The following AKT3 variants were observed in gnomAD, a reference collection of about 807,000 sequenced individuals.
The protein encoded by AKT3 is RAC-gamma serine/threonine-protein kinase.
AKT3 carries 15 observed loss-of-function variants against 65.3 expected under a neutral mutation model. The ratio of observed to expected loss-of-function variants is 0.23; its 90% CI spans 0.15 to 0.35. AKT3 has a LOEUF of 0.35. Ranked by LOEUF, AKT3 falls within the 10% of genes least tolerant of loss-of-function variation. The probability of loss-of-function intolerance (pLI) is 1.00; values close to 1 mark genes in which losing one functional copy is unlikely to be tolerated. For missense variants in AKT3, 243 were observed against 576.5 expected (o/e 0.42, Z 5.92); for synonymous variants, 206 against 183.8 (o/e 1.12, Z -0.98).
At chr1:243,614,454 C>T (rs1328995689) in intron 7 of AKT3, among the ~76,000 whole-genome samples, 2 of 152,030 alleles carry the variant, frequency 1.3e-5, no homozygotes, top group Non-Finnish European at 2.9e-5. Flanking sequence ...CCAATTATCC[C>T]TATATTACAA....
chr1:243,658,225 T>C (rs1442455476), intron 4 of AKT3, among the ~76,000 whole-genome samples: 3 of 152,146 alleles, frequency 2.0e-5, no homozygotes, highest in Non-Finnish European at 4.4e-5. Context: ...ATATTCAAAA[T>C]GTATAGGGAA....
intron 2 of AKT3, among the ~76,000 whole-genome samples, chr1:243,767,843 T>C (rs1326850982): frequency 6.6e-6 from 1 of 152,080 alleles, no homozygotes; most frequent in African/African-American, 2.4e-5. Context: ...TCTTATTGCC[T>C]ACCAGGAAAC....
chr1:243,571,533 G>A (rs1475119742), intron 9 of AKT3, among the ~76,000 whole-genome samples: 1 of 152,106 alleles, frequency 6.6e-6, no homozygotes, highest in African/African-American at 2.4e-5. Flanking sequence ...AAGCCTCCAT[G>A]CTTCTATCCT....
intron 13 of AKT3, among the ~76,000 whole-genome samples, chr1:243,505,676 A>G (rs1669623968): frequency 6.6e-6 from 1 of 152,054 alleles, no homozygotes; most frequent in Non-Finnish European, 1.5e-5. Context: ...CATATATCAA[A>G]ACTGCAAGTC....
intron 12 of AKT3, among the ~76,000 whole-genome samples, chr1:243,531,885 ATCT>A (rs957323588): frequency 3.3e-5 from 5 of 152,204 alleles, no homozygotes; most frequent in African/African-American, 9.6e-5. Context: ...AATGAAATTG[ATCT>A]TCTTAAGATC....
At chr1:243,751,011 A>T (rs1326498378) in intron 2 of AKT3, among the ~76,000 whole-genome samples, 1 of 152,206 alleles carries the variant, frequency 6.6e-6, no homozygotes, top group Non-Finnish European at 1.5e-5. Context: ...ACACACAGAA[A>T]GTGAGATAAT....
intron 6 of AKT3, among the ~76,000 whole-genome samples, chr1:243,618,178 C>A (rs776377191): frequency 1.3e-5 from 2 of 152,008 alleles, no homozygotes; most frequent in Non-Finnish European, 2.9e-5. Context: ...TTTCTACCCC[C>A]TAAATTTGTA....
chr1:243,794,223 A>C (rs570454640), intron 2 of AKT3: 1 of 152,318 alleles, frequency 6.6e-6, no homozygotes, highest in East Asian at 1.9e-4. Flanking sequence ...TTTTGTAGAG[A>C]TGAGGTTTCA....
chr1:243,682,192 T>G (rs1329621253), intron 3 of AKT3, among the ~76,000 whole-genome samples: 1 of 152,006 alleles, frequency 6.6e-6, no homozygotes, highest in African/African-American at 2.4e-5. Context: ...CATAAAAAAA[T>G]TATACAGTAA....
At chr1:243,660,747 A>G (rs1682243694) in intron 4 of AKT3, among the ~76,000 whole-genome samples, 1 of 152,216 alleles carries the variant, frequency 6.6e-6, no homozygotes, top group Admixed American at 6.5e-5. Flanking sequence ...AGGGTATTCA[A>G]TCAGGAAAAG....
At chr1:243,696,105 G>A (rs1362465634) in intron 2 of AKT3, among the ~76,000 whole-genome samples, 1 of 150,896 alleles carries the variant, frequency 6.6e-6, no homozygotes, top group Non-Finnish European at 1.5e-5. Flanking sequence ...TTTATCATAA[G>A]AGAGGCAAGA....
chr1:243,665,775 C>T lies in AKT3; in HGVS notation c.173-892G>A, dbSNP rs143566160. ...TCAACAAACATTAACTATTATTTGGCATACATCTGAGCTGGGCTTTAAAGG... is the reference window on the plus strand; with the variant it reads ...TCAACAAACATTAACTATTATTTGGTATACATCTGAGCTGGGCTTTAAAGG... On this transcript the variant is annotated intron_variant, in intron 3 of 13. Transcript: ENST00000673466. Among the ~76,000 whole-genome samples, 22 of 152,230 alleles carry T rather than the reference C, an allele frequency of 1.4e-4. 1 individual carries two copies. In the East Asian group the frequency reaches 4.2e-3, roughly 29 times the overall value.
chr1:243,728,442 A>T (rs1007159009), intron 2 of AKT3, among the ~76,000 whole-genome samples: 2 of 152,240 alleles, frequency 1.3e-5, no homozygotes, highest in Non-Finnish European at 2.9e-5. Context: ...CCAGCACTTG[A>T]TACTATGCCA....
intron 8 of AKT3, among the ~76,000 whole-genome samples, chr1:243,590,099 G>A (rs1237115018): frequency 2.0e-5 from 3 of 152,302 alleles, no homozygotes; most frequent in Admixed American, 6.5e-5. Flanking sequence ...AGGGAGGTAA[G>A]TAAAATGGGG....
chr1:243,533,965 G>C (rs1671730926), intron 12 of AKT3, among the ~76,000 whole-genome samples: 1 of 152,120 alleles, frequency 6.6e-6, no homozygotes, highest in African/African-American at 2.4e-5. Context: ...ACTCCAGCCT[G>C]GGCAACAGAG....
intron 13 of AKT3, among the ~76,000 whole-genome samples, chr1:243,512,000 C>T (rs182259685): frequency 6.6e-6 from 1 of 152,300 alleles, no homozygotes; most frequent in Admixed American, 6.5e-5. Context: ...AGGGGAGTCT[C>T]TATTTCACAA....
At chr1:243,617,630 G>A (rs1029408277) in intron 6 of AKT3, among the ~76,000 whole-genome samples, 1 of 152,122 alleles carries the variant, frequency 6.6e-6, no homozygotes, top group Non-Finnish European at 1.5e-5. Context: ...GGGGCTGTAA[G>A]GGAGAACCAA....
chr1:243,693,670 T>C (rs1684867003), intron 3 of AKT3, among the ~76,000 whole-genome samples: 1 of 152,124 alleles, frequency 6.6e-6, no homozygotes, highest in Non-Finnish European at 1.5e-5. Flanking sequence ...TACTTGCAGC[T>C]TGCGGCCAGG....
chr1:243,645,357 G>GT (rs1680728569), intron 5 of AKT3, among the ~76,000 whole-genome samples: 1 of 151,852 alleles, frequency 6.6e-6, no homozygotes, highest in African/African-American at 2.4e-5. Context: ...ATATAAATTC[G>GT]TACTTATTAT....
Sources: gnomAD v4.1 joint callset for allele counts (sites outside exome capture counted in the v4.1 genomes callset) on GRCh38, gnomAD v4.1.1 for gene constraint, MANE v1.5 for transcripts, NCBI Gene and HGNC (gene_info 2026-07-23, HGNC 2026-07-21) for gene names.